The following KIFAP3 variants were observed in gnomAD, a reference collection of about 807,000 sequenced individuals.
The protein encoded by KIFAP3 is kinesin associated protein 3, also known as kinesin-associated protein 3.
In KIFAP3, 68 loss-of-function variants were observed where a neutral mutation model predicts 106.5. The ratio of observed to expected loss-of-function variants is 0.64; its 90% CI spans 0.53 to 0.78. KIFAP3 has a LOEUF of 0.78. Ranked by LOEUF, KIFAP3 falls within the 30% of genes least tolerant of loss-of-function variation. The pLI, the probability that KIFAP3 is intolerant of heterozygous loss-of-function variation, is 0.00. For synonymous variants in KIFAP3, 320 were observed against 311.5 expected, an observed-to-expected ratio of 1.03 and a Z score of -0.29; for missense variants, 780 against 941.8, an observed-to-expected ratio of 0.83 and a Z score of 2.25.
At chr1:169,958,684 C>T (rs1571560810) in intron 18 of KIFAP3, among the ~76,000 whole-genome samples, 2 of 151,978 alleles carry the variant, frequency 1.3e-5, no homozygotes, top group Non-Finnish European at 2.9e-5. Flanking sequence ...CTAAGATTCA[C>T]TAAAATTAAT....
At chr1:169,949,852 G>A (rs149310445) in intron 19 of KIFAP3, among the ~76,000 whole-genome samples, 1 of 152,204 alleles carries the variant, frequency 6.6e-6, no homozygotes, top group African/African-American at 2.4e-5. Flanking sequence ...CAAACTGATA[G>A]TGACACATGT....
At position 169,939,019 on chromosome 1, in the gene KIFAP3, G is replaced by A. The variant is rs1337544; in HGVS notation, c.2273+14992C>T. Among the ~76,000 whole-genome samples, 6 of 152,256 alleles carry A rather than the reference G, an allele frequency of 3.9e-5. No homozygotes were observed. In the South Asian group the frequency reaches 1.2e-3, roughly 32 times the overall value. On this transcript the variant is annotated intron_variant, in intron 19 of 19. Transcript: ENST00000361580. ...ATAATGAAGGACTTTATAGAACATG[G>A]TAAGAAATTTGTATTTTATTACAGG...
intron 1 of KIFAP3, among the ~76,000 whole-genome samples, chr1:170,065,546 G>A (rs535047537): frequency 1.0e-4 from 15 of 149,052 alleles, no homozygotes; most frequent in South Asian, 4.2e-4. Flanking sequence ...CCCGGGAGGC[G>A]GAGCTTGCAG....
intron 8 of KIFAP3, among the ~76,000 whole-genome samples, chr1:170,026,935 T>A (rs1267970329): frequency 1.3e-5 from 2 of 151,824 alleles, no homozygotes; most frequent in Non-Finnish European, 2.9e-5. Flanking sequence ...AATTTAACTA[T>A]GTCCCCAAAT....
chr1:169,998,963 G>A (rs1667525450), intron 10 of KIFAP3, among the ~76,000 whole-genome samples: 1 of 152,162 alleles, frequency 6.6e-6, no homozygotes, highest in African/African-American at 2.4e-5. Flanking sequence ...CGTGGAGGGG[G>A]AAGATGTCTG....
chr1:170,063,200 T>TA (rs1230271858), intron 1 of KIFAP3, among the ~76,000 whole-genome samples: 1 of 152,216 alleles, frequency 6.6e-6, no homozygotes, highest in Non-Finnish European at 1.5e-5. Flanking sequence ...TATAATAATC[T>TA]ACTGCTCCAG....
intron 10 of KIFAP3, among the ~76,000 whole-genome samples, chr1:169,997,236 C>T (rs969363309): frequency 1.3e-5 from 2 of 152,100 alleles, no homozygotes; most frequent in Non-Finnish European, 2.9e-5. Context: ...AATAACTGTA[C>T]CTACCTGAAA....
Position 169,943,324 on chromosome 1 carries a change from T to C in KIFAP3, c.2273+10687A>G, listed in dbSNP as rs978897532. On this transcript the variant is annotated intron_variant, in intron 19 of 19. Transcript: ENST00000361580. ...AATATCTTAGAAAAAATATCTAATA[T>C]TTCTAATATAAGAAATCTAACAACT... Among the ~76,000 whole-genome samples the C allele has an allele frequency of 8.0e-4, 122 of 152,262 alleles. 1 individual carries two copies. Among genetic ancestry groups the C allele is most frequent in the African/African-American group, 2.9e-3 (121 of 41,574 alleles).
At position 170,038,580 on chromosome 1, in the gene KIFAP3, T is replaced by A. The variant is rs553244825; in HGVS notation, c.376-149A>T. On this transcript the variant is annotated intron_variant, in intron 4 of 19. Coordinates refer to ENST00000361580, the MANE Select transcript of KIFAP3 (RefSeq NM_014970.4). The stretch of plus-strand genomic sequence containing the variant: ...GTAGCCATCTTTTTGGATATGGAAA[T>A]TTTAGACCTTTAGACCTAGGACTCT... The A allele has an allele frequency of 4.0e-6, 3 of 743,364 alleles. No homozygotes were observed. In the South Asian group the frequency reaches 5.4e-5, roughly 13 times the overall value. 46.0% of individuals were successfully genotyped at this position (743,364 alleles called of 1,614,324 possible).
chr1:170,069,442 G>A (rs547445972), intron 1 of KIFAP3, among the ~76,000 whole-genome samples: 9 of 152,042 alleles, frequency 5.9e-5, no homozygotes, highest in African/African-American at 2.2e-4. Flanking sequence ...TATGAATGTC[G>A]ATGTGAAAAT....
At chr1:169,949,500 T>C (rs934743311) in intron 19 of KIFAP3, among the ~76,000 whole-genome samples, 1 of 152,090 alleles carries the variant, frequency 6.6e-6, no homozygotes, top group Non-Finnish European at 1.5e-5. Context: ...CCATTTTTAC[T>C]GCAACAAAAA....
chr1:169,938,451 G>C (rs1261007658), intron 19 of KIFAP3, among the ~76,000 whole-genome samples: 1 of 151,870 alleles, frequency 6.6e-6, no homozygotes. Flanking sequence ...GGTATGCATT[G>C]TACATTTGAA....
chr1:169,927,760 C>A (rs972729019), intron 19 of KIFAP3, among the ~76,000 whole-genome samples: 21 of 152,194 alleles, frequency 1.4e-4, no homozygotes, highest in African/African-American at 5.1e-4. Flanking sequence ...TGACGAAGAG[C>A]AAATGGTTTG....
In KIFAP3 at chr1:170,046,776, T is replaced by C; in HGVS notation, c.255A>G (p.Lys85=). The C allele has an allele frequency of 6.2e-7, 1 of 1,610,992 alleles. No homozygotes were observed. Among genetic ancestry groups the C allele is most frequent in the Non-Finnish European group, 8.5e-7 (1 of 1,178,330 alleles). ...VEECKLIHPS[K]LNEVEQLLYY... ...ACAACAGCTGTTCTACCTCATTTAG[T>C]TTTGAAGGATGAATGAGTTTACATT... The change falls in exon 3 of 20, where the codon AAA becomes AAG. Residue 85 remains lysine (K), a synonymous_variant. Transcript: ENST00000361580.
chr1:169,996,465 T>C (rs1274030698), intron 10 of KIFAP3, among the ~76,000 whole-genome samples: 1 of 152,214 alleles, frequency 6.6e-6, no homozygotes, highest in Non-Finnish European at 1.5e-5. Context: ...TTGTTCCTAT[T>C]GCATGTTCAA....
At chr1:169,978,005 CA>C (rs11396984) in intron 16 of KIFAP3, 79 bp downstream of exon 16, 553 of 646,214 alleles carry the variant, frequency 8.6e-4, no homozygotes, top group Non-Finnish European at 1.0e-3. Context: ...TCAACATTTG[CA>C]AAAAAAAAAA....
intron 10 of KIFAP3, among the ~76,000 whole-genome samples, chr1:170,004,476 C>G (rs1379555046): frequency 6.6e-6 from 1 of 150,998 alleles, no homozygotes; most frequent in East Asian, 1.9e-4. Flanking sequence ...GCTACAGTAA[C>G]GAAAACAGCA....
chr1:169,961,386 G>A, intron 17 of KIFAP3, 151 bp from the exon 18 acceptor site: 1 of 560,902 alleles, frequency 1.8e-6, no homozygotes, highest in Non-Finnish European at 3.1e-6. Flanking sequence ...TTATATAATA[G>A]CCAACAAAAA....
At chr1:169,952,687 T>A (rs16862831) in intron 19 of KIFAP3, among the ~76,000 whole-genome samples, 6,094 of 152,138 alleles carry the variant, frequency 0.04, 308 homozygotes, top group East Asian at 0.12. Context: ...ATCCTACTTG[T>A]GTGAATTGGT....
Sources: gnomAD v4.1 joint callset for allele counts (sites outside exome capture counted in the v4.1 genomes callset) on GRCh38, gnomAD v4.1.1 for gene constraint, MANE v1.5 for transcripts, NCBI Gene and HGNC (gene_info 2026-07-23, HGNC 2026-07-21) for gene names.